STAB2: variants seen among roughly 807,000 people sequenced by gnomAD.
STAB2 encodes stabilin 2.
Under a neutral mutation model 338.1 loss-of-function variants are expected in STAB2, and 288 were observed. That is an observed-to-expected ratio of 0.85 (90% CI 0.77 to 0.94). The LOEUF (loss-of-function observed/expected upper bound fraction) is 0.94, where lower values mean the gene tolerates loss of function less well. Among genes scored for constraint, STAB2 ranks in the 40% least tolerant of loss-of-function variants. STAB2 has a pLI of 0.00. For missense variants in STAB2, 3,141 were observed against 3,210.1 expected, an observed-to-expected ratio of 0.98 and a Z score of 0.52; for synonymous variants, 1,202 against 1,193.3, an observed-to-expected ratio of 1.01 and a Z score of -0.15.
At chr12:103,620,881 G>A (rs1444206294) in intron 4 of STAB2, among the ~76,000 whole-genome samples, 5 of 152,126 alleles carry the variant, frequency 3.3e-5, no homozygotes, top group Admixed American at 6.5e-5. Flanking sequence ...GGAGGATCAC[G>A]AGGTCAGGAG....
chr12:103,694,916 T>C (rs1247740131), intron 31 of STAB2, among the ~76,000 whole-genome samples: 1 of 151,850 alleles, frequency 6.6e-6, no homozygotes, highest in Non-Finnish European at 1.5e-5. Flanking sequence ...GTAGAAGACA[T>C]TAGGGAGTGG....
intron 63 of STAB2, among the ~76,000 whole-genome samples, chr12:103,756,993 G>GAAAAAAAA (rs146893760): frequency 8.5e-4 from 13 of 15,258 alleles, no homozygotes; most frequent in African/African-American, 4.0e-3. Flanking sequence ...CAGAAGGAGG[G>GAAAAAAAA]AAAATATATA....
intron 3 of STAB2, among the ~76,000 whole-genome samples, chr12:103,616,840 G>T (rs145793557): frequency 6.6e-6 from 1 of 152,220 alleles, no homozygotes. Context: ...GATGGTGAAC[G>T]ATTTATGAAG....
At chr12:103,737,600 C>T (rs201602050) in intron 52 of STAB2, 34 bp from the exon 53 acceptor site, 26,973 of 1,109,606 alleles carry the variant, frequency 0.024, 1,022 homozygotes, top group South Asian at 0.057. Flanking sequence ...CTCTCTCTCT[C>T]TTTCTCTTTT....
chr12:103,728,460 C>T (rs1320906914), intron 47 of STAB2, among the ~76,000 whole-genome samples: 2 of 152,238 alleles, frequency 1.3e-5, no homozygotes, highest in African/African-American at 2.4e-5. Context: ...CTTCCCACTA[C>T]TAAAGGTTTA....
At chr12:103,624,940 CAAAAAAAA>C (rs55862855) in intron 5 of STAB2, among the ~76,000 whole-genome samples, 1 of 111,142 alleles carries the variant, frequency 9.0e-6, no homozygotes, top group Admixed American at 9.5e-5. Context: ...GACTCCATCT[CAAAAAAAA>C]AAAAAAAAAA....
chr12:103,699,820 G>A lies in STAB2; in HGVS notation c.3714+593G>A, dbSNP rs1878707665. On this transcript the variant is annotated intron_variant, in intron 34 of 68. Coordinates refer to ENST00000388887, the MANE Select transcript of STAB2 (RefSeq NM_017564.10). ...TGCCAGCCTTCAGATGATCAGTGTA[G>A]CCTTACAAATTGTGGCATTGAATCT... Among the ~76,000 whole-genome samples, 3 of 152,220 alleles carry A rather than the reference G, an allele frequency of 2.0e-5. No individual in the cohort carries two copies. In the South Asian group the frequency reaches 6.2e-4, roughly 32 times the overall value.
intron 34 of STAB2, among the ~76,000 whole-genome samples, chr12:103,700,355 C>T (rs7309088): frequency 0.52 from 78,756 of 151,958 alleles, 20,555 homozygotes; most frequent in African/African-American, 0.54. Flanking sequence ...TTTTAAGCGA[C>T]AATATTTGAA....
intron 30 of STAB2, 115 bp downstream of exon 30, chr12:103,690,653 A>T (rs1476390576): frequency 2.5e-6 from 2 of 813,676 alleles, no homozygotes; most frequent in Non-Finnish European, 3.9e-6. Flanking sequence ...TACAGAGAAC[A>T]GAATCCCTCA....
At chr12:103,642,601 G>A (rs1250743094) in intron 9 of STAB2, among the ~76,000 whole-genome samples, 2 of 152,224 alleles carry the variant, frequency 1.3e-5, no homozygotes, top group African/African-American at 4.8e-5. Context: ...GCCACTGCCA[G>A]ATGTGTTTCC....
At position 103,706,796 on chromosome 12, in the gene STAB2, G is replaced by C. The variant is rs929694227; in HGVS notation, c.4001G>C (p.Arg1334Thr). The change falls in exon 38 of 69, where the codon AGA (arginine) becomes ACA (threonine). Residue 1334 changes from arginine to threonine, a missense_variant. By Grantham distance (71) the Arg-to-Thr change is moderately conservative. Coordinates refer to ENST00000388887, the MANE Select transcript of STAB2 (RefSeq NM_017564.10). ...QPKCVRTVIT[R>T]ECCAGFFGPQ... Reference sequence around the variant, plus strand: ...AGCTTTGTCCTTCTGTTTCAGACGAGAGAATGCTGTGCCGGCTTCTTTGGC... The same window carrying C: ...AGCTTTGTCCTTCTGTTTCAGACGACAGAATGCTGTGCCGGCTTCTTTGGC... 2.5e-6 allele frequency: 4 copies of C among 1,614,128 alleles called. No individual in the cohort carries two copies. The African/African-American group carries it at 5.3e-5, about 22-fold the overall frequency.
At position 103,662,884 on chromosome 12, in the gene STAB2, T is replaced by G. The variant is rs761168997; in HGVS notation, c.1908T>G (p.Ile636Met). ...CAAATGATGTGGCAATGGAAGAAAT[T>G]GAGATCACTGCCAAAAATGGCCGAA... is the stretch of plus-strand genomic sequence containing the variant. ...ILANDVAMEE[I>M]EITAKNGRIY... The change falls in exon 18 of 69, where the codon ATT becomes ATG. Residue 636 changes from isoleucine to methionine, a missense_variant. Physicochemically the swap from Ile to Met is conservative, Grantham distance 10 (BLOSUM62 1). Transcript: ENST00000388887. 83 of 1,614,048 alleles carry G rather than the reference T, an allele frequency of 5.1e-5. No individual in the cohort carries two copies. The highest frequency in any genetic ancestry group is 1.6e-4 in the Middle Eastern group (1 of 6,084).
At chr12:103,596,038 C>T (rs1956870353) in intron 3 of STAB2, among the ~76,000 whole-genome samples, 1 of 152,186 alleles carries the variant, frequency 6.6e-6, no homozygotes, top group South Asian at 2.1e-4. Flanking sequence ...CATGTTGGCA[C>T]AGCATGTTTC....
chr12:103,590,737 T>C (rs1956783185), intron 1 of STAB2, among the ~76,000 whole-genome samples, 160 bp from the exon 2 acceptor site: 1 of 152,140 alleles, frequency 6.6e-6, no homozygotes, highest in South Asian at 2.1e-4. Context: ...CAGATAAGAT[T>C]GAAAGGAGCA....
At chr12:103,615,177 G>T (rs925932803) in intron 3 of STAB2, among the ~76,000 whole-genome samples, 4 of 152,190 alleles carry the variant, frequency 2.6e-5, no homozygotes, top group Admixed American at 6.5e-5. Flanking sequence ...CACAAAGGCT[G>T]TCTATGCCCT....
At chr12:103,675,770 T>G (rs1292177877) in intron 23 of STAB2, among the ~76,000 whole-genome samples, 158 bp from the exon 24 acceptor site, 1 of 152,184 alleles carries the variant, frequency 6.6e-6, no homozygotes, top group African/African-American at 2.4e-5. Context: ...TGATTACAGA[T>G]CCCAGAAGTA....
intron 52 of STAB2, 60 bp from the exon 53 acceptor site, chr12:103,737,574 T>C (rs983762251): frequency 3.9e-6 from 4 of 1,017,382 alleles, no homozygotes; most frequent in East Asian, 3.3e-5. Context: ...GATTGACTGT[T>C]TCTCTCTCTC....
At chr12:103,612,330 C>T (rs1166573017) in intron 3 of STAB2, among the ~76,000 whole-genome samples, 5 of 152,180 alleles carry the variant, frequency 3.3e-5, no homozygotes, top group Non-Finnish European at 5.9e-5. Flanking sequence ...ACCAATCAGA[C>T]GTAGATTTGG....
chr12:103,589,140 G>GAA (rs1956758409), intron 1 of STAB2, among the ~76,000 whole-genome samples: 1 of 152,168 alleles, frequency 6.6e-6, no homozygotes, highest in African/African-American at 2.4e-5. Flanking sequence ...TAATACCTTT[G>GAA]AATGGATGCA....
Sources: allele counts gnomAD v4.1 joint callset (sites outside exome capture counted in the v4.1 genomes callset), GRCh38; gene constraint gnomAD v4.1.1; transcripts MANE v1.5; gene names NCBI Gene and HGNC (gene_info 2026-07-23, HGNC 2026-07-21).